The following KCNQ3 variants were observed in gnomAD, a reference collection of about 807,000 sequenced individuals.
KCNQ3 encodes potassium voltage-gated channel subfamily Q member 3, also known as potassium voltage-gated channel subfamily KQT member 3.
KCNQ3 carries 30 observed loss-of-function variants against 92.5 expected under a neutral mutation model. That is an observed-to-expected ratio of 0.32 (90% CI 0.24 to 0.44). The LOEUF (loss-of-function observed/expected upper bound fraction) is 0.44. Ranked by LOEUF, KCNQ3 falls within the 20% of genes least tolerant of loss-of-function variation. The pLI is 1.00. For missense variants in KCNQ3, 913 were observed against 1,140.3 expected (o/e 0.80, Z 2.87); for synonymous variants, 450 against 468.8 (o/e 0.96, Z 0.52).
chr8:132,387,633 C>T (rs184394984), intron 1 of KCNQ3, among the ~76,000 whole-genome samples: 9 of 152,210 alleles, frequency 5.9e-5, no homozygotes, highest in African/African-American at 2.2e-4. Flanking sequence ...GGAAACCCAT[C>T]TGCAATATAT....
intron 1 of KCNQ3, among the ~76,000 whole-genome samples, chr8:132,456,148 A>G (rs1171778249): frequency 6.6e-6 from 1 of 152,132 alleles, no homozygotes; most frequent in African/African-American, 2.4e-5. Context: ...GACTCCCCAT[A>G]GTCTGGCTAA....
intron 1 of KCNQ3, among the ~76,000 whole-genome samples, chr8:132,189,431 G>C (rs1213905094): frequency 6.6e-6 from 1 of 152,182 alleles, no homozygotes; most frequent in Non-Finnish European, 1.5e-5. Context: ...ACTCCCTTAA[G>C]GGAAGGAACT....
At chr8:132,403,571 A>T (rs2721897) in intron 1 of KCNQ3, among the ~76,000 whole-genome samples, 2 of 152,080 alleles carry the variant, frequency 1.3e-5, no homozygotes, top group Non-Finnish European at 2.9e-5. Flanking sequence ...CCACCCTATA[A>T]GGAACACCAA....
At chr8:132,153,911 C>G (rs1453028126) in intron 9 of KCNQ3, among the ~76,000 whole-genome samples, 2 of 152,116 alleles carry the variant, frequency 1.3e-5, no homozygotes, top group African/African-American at 4.8e-5. Flanking sequence ...ACACCTATTC[C>G]CCTCTTTCTA....
At chr8:132,288,497 C>A (rs770328820) in intron 1 of KCNQ3, among the ~76,000 whole-genome samples, 5 of 152,194 alleles carry the variant, frequency 3.3e-5, no homozygotes, top group Non-Finnish European at 2.9e-5. Flanking sequence ...TCACCCTCAT[C>A]ACATTTGCCC....
At chr8:132,459,924 G>C (rs1162662527) in intron 1 of KCNQ3, among the ~76,000 whole-genome samples, 3 of 149,270 alleles carry the variant, frequency 2.0e-5, no homozygotes, top group Admixed American at 6.8e-5. Context: ...GTATGGGCTT[G>C]TGGATATTTA....
intron 1 of KCNQ3, among the ~76,000 whole-genome samples, chr8:132,379,315 T>TC (rs397699360): frequency 2.0e-5 from 3 of 151,916 alleles, no homozygotes; most frequent in Non-Finnish European, 4.4e-5. Context: ...TATTTTTTTT[T>TC]CAGATGAGGA....
chr8:132,468,572 C>G (rs1424626993), intron 1 of KCNQ3, among the ~76,000 whole-genome samples: 1 of 152,256 alleles, frequency 6.6e-6, no homozygotes, highest in Non-Finnish European at 1.5e-5. Flanking sequence ...GCTGTTTAAG[C>G]AGGTTACCCT....
chr8:132,439,115 C>T lies in KCNQ3; in HGVS notation c.386+41032G>A, dbSNP rs74409146. 7.8e-3 allele frequency among the ~76,000 whole-genome samples: 1,177 copies of T among 151,736 alleles called. 24 individuals are homozygous for T. Among genetic ancestry groups the T allele is most frequent in the African/African-American group, 0.026 (1,062 of 41,324 alleles). On this transcript the variant is annotated intron_variant, in intron 1 of 14. Transcript: ENST00000388996. ...ACTTCCTACCAAGCTTTATGCCGAACCAATTTTTTCATCTGGGTTTAGATT... is the reference window on the plus strand; with the variant it reads ...ACTTCCTACCAAGCTTTATGCCGAATCAATTTTTTCATCTGGGTTTAGATT...
chr8:132,456,464 G>GGT (rs34858367), intron 1 of KCNQ3, among the ~76,000 whole-genome samples: 109,898 of 149,266 alleles, frequency 0.74, 40,844 homozygotes, highest in East Asian at 0.9. Flanking sequence ...GGGGATTGAG[G>GGT]GTGTGTGTGT....
At chr8:132,475,781 G>A (rs1257999121) in intron 1 of KCNQ3, among the ~76,000 whole-genome samples, 2 of 152,232 alleles carry the variant, frequency 1.3e-5, no homozygotes, top group African/African-American at 4.8e-5. Context: ...TTTCTGCGGA[G>A]GAATTCAAGC....
At chr8:132,396,176 T>A (rs1820188083) in intron 1 of KCNQ3, among the ~76,000 whole-genome samples, 1 of 152,160 alleles carries the variant, frequency 6.6e-6, no homozygotes, top group Admixed American at 6.5e-5. Context: ...GCTCCACATA[T>A]GTTTCTCATT....
intron 1 of KCNQ3, among the ~76,000 whole-genome samples, chr8:132,202,868 T>G (rs936510052): frequency 6.6e-6 from 1 of 152,190 alleles, no homozygotes; most frequent in Non-Finnish European, 1.5e-5. Flanking sequence ...CAAAGCTGCT[T>G]CCACATTTTC....
chr8:132,206,767 T>G (rs1285101409), intron 1 of KCNQ3, among the ~76,000 whole-genome samples: 1 of 152,204 alleles, frequency 6.6e-6, no homozygotes, highest in Non-Finnish European at 1.5e-5. Context: ...GTTTTTCATT[T>G]TGTTTAACTT....
chr8:132,455,269 T>C (rs889658557), intron 1 of KCNQ3, among the ~76,000 whole-genome samples: 1 of 152,078 alleles, frequency 6.6e-6, no homozygotes, highest in African/African-American at 2.4e-5. Flanking sequence ...ACCACGTCTG[T>C]CTAATATTTG....
chr8:132,252,191 G>A (rs949207644), intron 1 of KCNQ3, among the ~76,000 whole-genome samples: 2 of 152,124 alleles, frequency 1.3e-5, no homozygotes, highest in South Asian at 2.1e-4. Flanking sequence ...GTCGGTTCTT[G>A]GTCTCACTGA....
chr8:132,478,950 C>A (rs1190578865), intron 1 of KCNQ3, among the ~76,000 whole-genome samples: 1 of 151,432 alleles, frequency 6.6e-6, no homozygotes, highest in Non-Finnish European at 1.5e-5. Flanking sequence ...AGAGGAAAAT[C>A]CACTGCTAAA....
chr8:132,316,019 T>C (rs1168942107), intron 1 of KCNQ3, among the ~76,000 whole-genome samples: 1 of 152,232 alleles, frequency 6.6e-6, no homozygotes, highest in African/African-American at 2.4e-5. Context: ...TATAGAAACA[T>C]TTTTACTAAC....
chr8:132,186,938 G>GAC (rs1826981052), intron 1 of KCNQ3, among the ~76,000 whole-genome samples: 1 of 104,400 alleles, frequency 9.6e-6, no homozygotes, highest in East Asian at 2.4e-4. Context: ...GTGTGTGAGA[G>GAC]AGAGAGAGAG....
Sources: allele counts gnomAD v4.1 joint callset (sites outside exome capture counted in the v4.1 genomes callset), GRCh38; gene constraint gnomAD v4.1.1; transcripts MANE v1.5; gene names NCBI Gene and HGNC (gene_info 2026-07-23, HGNC 2026-07-21).